SLC39A11: variants seen among roughly 807,000 people sequenced by gnomAD.
SLC39A11 encodes the protein solute carrier family 39 member 11.
SLC39A11 carries 33 observed loss-of-function variants against 36.1 expected under a neutral mutation model. That is an observed-to-expected ratio of 0.91 (90% CI 0.69 to 1.22). SLC39A11 has a LOEUF of 1.22. SLC39A11 is among the 50% of genes most tolerant of loss of function. SLC39A11 has a pLI of 0.00. For synonymous variants in SLC39A11, 166 were observed against 170.3 expected (o/e 0.97, Z 0.20); for missense variants, 432 against 430.3 (o/e 1.00, Z -0.03).
At chr17:72,860,023 AGGGG>A (rs1339833348) in intron 5 of SLC39A11, among the ~76,000 whole-genome samples, 2 of 68,142 alleles carry the variant, frequency 2.9e-5, no homozygotes. Context: ...AGGGGAGGGG[AGGGG>A]AGGGGAGGGG....
chr17:72,922,988 AAAC>A lies in SLC39A11; in HGVS notation c.430+24761_430+24763del, dbSNP rs71293504. Among the ~76,000 whole-genome samples the A allele has an allele frequency of 1.5e-4, 22 of 148,966 alleles. 3 individuals carry two copies. Among genetic ancestry groups the A allele is most frequent in the African/African-American group, 5.5e-4 (22 of 40,334 alleles). On this transcript the variant is annotated intron_variant, in intron 5 of 9. Coordinates refer to ENST00000255559, the MANE Select transcript of SLC39A11 (RefSeq NM_139177.4). ...AAAAAAAAAAAAAAAAAAAAAAAAA[AAAC>A]ACACAGAAAATACGAAACCCCCTCT...
chr17:72,785,875 T>G (rs1296110258), intron 6 of SLC39A11, among the ~76,000 whole-genome samples: 3 of 152,188 alleles, frequency 2.0e-5, no homozygotes, highest in African/African-American at 7.2e-5. Flanking sequence ...CATACAGGTA[T>G]GCAAAAATAC....
At chr17:73,040,400 C>T (rs2059067403) in intron 3 of SLC39A11, among the ~76,000 whole-genome samples, 2 of 152,190 alleles carry the variant, frequency 1.3e-5, no homozygotes, top group African/African-American at 2.4e-5. Context: ...GTAAATTACA[C>T]TTTAAAATAG....
chr17:73,045,301 G>A (rs2059243788), intron 3 of SLC39A11, among the ~76,000 whole-genome samples: 1 of 139,596 alleles, frequency 7.2e-6, no homozygotes, highest in African/African-American at 2.6e-5. Flanking sequence ...GTTCCATACA[G>A]CAAGGCAACC....
chr17:73,026,517 CAAAA>C (rs548390962), intron 4 of SLC39A11, among the ~76,000 whole-genome samples: 13 of 75,576 alleles, frequency 1.7e-4, no homozygotes, highest in East Asian at 4.1e-4. Context: ...GAAACTACAT[CAAAA>C]AAAAAAAAAA....
chr17:72,754,970 A>C (rs1018722468), intron 6 of SLC39A11, among the ~76,000 whole-genome samples: 1 of 152,212 alleles, frequency 6.6e-6, no homozygotes, highest in Non-Finnish European at 1.5e-5. Context: ...TCAGTCTCTT[A>C]AGTCCTGAAA....
intron 6 of SLC39A11, among the ~76,000 whole-genome samples, chr17:72,787,046 C>T (rs911530906): frequency 2.6e-5 from 4 of 152,016 alleles, no homozygotes; most frequent in African/African-American, 9.7e-5. Context: ...TCTTGAACTC[C>T]TGATCTCAGG....
intron 4 of SLC39A11, among the ~76,000 whole-genome samples, chr17:72,948,608 C>A (rs901379474): frequency 6.6e-6 from 1 of 152,182 alleles, no homozygotes; most frequent in South Asian, 2.1e-4. Context: ...GGAAGCAGTG[C>A]GAGTTGCAGA....
chr17:73,001,716 C>T (rs374824151), intron 4 of SLC39A11, among the ~76,000 whole-genome samples: 3 of 152,060 alleles, frequency 2.0e-5, no homozygotes, highest in South Asian at 2.1e-4. Context: ...TCAAGCCATA[C>T]AAGTCCAGCA....
chr17:73,085,434 T>C (rs2060695273), intron 2 of SLC39A11, among the ~76,000 whole-genome samples: 1 of 151,962 alleles, frequency 6.6e-6, no homozygotes. Context: ...TCACCTGAGG[T>C]CAGGAATCTG....
intron 3 of SLC39A11, among the ~76,000 whole-genome samples, chr17:73,058,190 G>A: frequency 6.6e-6 from 1 of 152,022 alleles, no homozygotes. Flanking sequence ...TTGCGTGTTT[G>A]TTTGTCTTGG....
In SLC39A11 at chr17:72,990,149, A is replaced by AG. The variant is rs1487457735; in HGVS notation, c.306+41406dup. 2.0e-5 allele frequency among the ~76,000 whole-genome samples: 3 copies of AG among 152,228 alleles called. No individual in the cohort carries two copies. The East Asian group carries it at 5.8e-4, about 29-fold the overall frequency. On this transcript the variant is annotated intron_variant, in intron 4 of 9. Coordinates refer to ENST00000255559, the MANE Select transcript of SLC39A11 (RefSeq NM_139177.4). Reference sequence around the variant, plus strand: ...AAAATTGGTGACATGCACTACCCTTAGGTCCTGCTTGGTCTTACAGTTAGA... The same window carrying AG: ...AAAATTGGTGACATGCACTACCCTTAGGGTCCTGCTTGGTCTTACAGTTAGA...
chr17:73,075,214 T>C (rs2060280994), intron 3 of SLC39A11, among the ~76,000 whole-genome samples: 1 of 152,216 alleles, frequency 6.6e-6, no homozygotes, highest in African/African-American at 2.4e-5. Flanking sequence ...AATGAAAAGA[T>C]GTTTGCCAAC....
intron 6 of SLC39A11, among the ~76,000 whole-genome samples, chr17:72,846,702 A>G (rs774378450): frequency 2.6e-5 from 4 of 152,212 alleles, no homozygotes; most frequent in Non-Finnish European, 5.9e-5. Flanking sequence ...CCATTGCTAT[A>G]AAGTCTGGAC....
intron 5 of SLC39A11, among the ~76,000 whole-genome samples, chr17:72,937,356 G>A (rs1477028369): frequency 6.6e-6 from 1 of 152,232 alleles, no homozygotes; most frequent in African/African-American, 2.4e-5. Flanking sequence ...TCCGGAGACT[G>A]AGGCAGGAGA....
intron 5 of SLC39A11, among the ~76,000 whole-genome samples, chr17:72,901,632 C>T (rs1048647643): frequency 2.6e-5 from 4 of 152,288 alleles, no homozygotes; most frequent in Non-Finnish European, 2.9e-5. Flanking sequence ...GGGCCATGTC[C>T]GCCAGTGCAC....
intron 5 of SLC39A11, among the ~76,000 whole-genome samples, chr17:72,912,488 G>A (rs1286604454): frequency 2.6e-5 from 4 of 150,996 alleles, no homozygotes; most frequent in African/African-American, 9.8e-5. Context: ...AGGCTGGAGT[G>A]CAGTGGCATG....
intron 6 of SLC39A11, among the ~76,000 whole-genome samples, chr17:72,788,608 G>A (rs569671535): frequency 1.3e-5 from 2 of 152,342 alleles, no homozygotes; most frequent in African/African-American, 4.8e-5. Context: ...GGGAGTATAA[G>A]AATAATACAC....
chr17:72,772,351 A>G (rs2075976261), intron 6 of SLC39A11, among the ~76,000 whole-genome samples: 1 of 152,178 alleles, frequency 6.6e-6, no homozygotes, highest in East Asian at 1.9e-4. Flanking sequence ...ACAGTGGCGC[A>G]CATCTGCACC....
Sources: gnomAD v4.1 joint callset for allele counts (sites outside exome capture counted in the v4.1 genomes callset) on GRCh38, gnomAD v4.1.1 for gene constraint, MANE v1.5 for transcripts, NCBI Gene and HGNC (gene_info 2026-07-23, HGNC 2026-07-21) for gene names.